PCDH11Y: variants seen among roughly 807,000 people sequenced by gnomAD.
PCDH11Y encodes the protein protocadherin-11 Y-linked.
For missense variants in PCDH11Y, 12 were observed against 224.8 expected (o/e 0.05, Z 6.05); for synonymous variants, 9 against 83.6 (o/e 0.11, Z 4.87).
intron 2 of PCDH11Y, among the ~76,000 whole-genome samples, chrY:5,287,370 C>T (rs1356517436): frequency 3.0e-5 from 1 of 33,070 alleles, no homozygotes; most frequent in African/African-American, 1.2e-4. Flanking sequence ...GGCAATTCCT[C>T]AAGGATCTAG....
intron 2 of PCDH11Y, among the ~76,000 whole-genome samples, chrY:5,168,746 A>C: frequency 4.1e-5 from 1 of 24,500 alleles, no homozygotes; most frequent in Non-Finnish European, 9.5e-5. Flanking sequence ...ATATAAAATG[A>C]CTAATTTTAT....
At chrY:5,209,377 T>A in intron 2 of PCDH11Y, among the ~76,000 whole-genome samples, 10 of 33,277 alleles carry the variant, frequency 3.0e-4, no homozygotes, top group Admixed American at 2.8e-3. Flanking sequence ...TGGCATTTTT[T>A]AAAATCCAAC....
At chrY:5,627,275 G>A (rs2053508003) in intron 4 of PCDH11Y, among the ~76,000 whole-genome samples, 2 of 32,692 alleles carry the variant, frequency 6.1e-5, no homozygotes, top group South Asian at 6.9e-4. Flanking sequence ...GATTACAGGC[G>A]TGAGCCACCG....
intron 2 of PCDH11Y, among the ~76,000 whole-genome samples, chrY:5,449,878 TAC>T (rs2053291610): frequency 3.0e-5 from 1 of 33,774 alleles, no homozygotes; most frequent in Non-Finnish European, 7.4e-5. Flanking sequence ...AAGACTATAC[TAC>T]AATGAGGTCA....
chrY:5,372,708 C>T (rs2053188747), intron 2 of PCDH11Y, among the ~76,000 whole-genome samples: 1 of 29,465 alleles, frequency 3.4e-5, no homozygotes, highest in African/African-American at 1.3e-4. Context: ...TCTTTTCTTC[C>T]TTCCTTCCTT....
At chrY:5,589,904 A>G in intron 4 of PCDH11Y, among the ~76,000 whole-genome samples, 1 of 34,773 alleles carries the variant, frequency 2.9e-5, no homozygotes, top group Non-Finnish European at 7.4e-5. Context: ...GATCTAAAAT[A>G]TATCTGTATT....
At chrY:5,064,977 G>A (rs2124629602) in intron 1 of PCDH11Y, among the ~76,000 whole-genome samples, 2 of 32,503 alleles carry the variant, frequency 6.2e-5, no homozygotes, top group Admixed American at 2.9e-4. Context: ...TCAGCCTCCC[G>A]AAATGTCATG....
intron 1 of PCDH11Y, among the ~76,000 whole-genome samples, chrY:5,014,904 T>C (rs1602836755): frequency 6.0e-5 from 2 of 33,517 alleles, no homozygotes; most frequent in African/African-American, 2.3e-4. Flanking sequence ...GAGCTCATAC[T>C]TTGTTTTCCA....
chrY:5,480,017 C>T (rs2053323919), intron 2 of PCDH11Y, among the ~76,000 whole-genome samples: 1 of 32,613 alleles, frequency 3.1e-5, no homozygotes, highest in Non-Finnish European at 7.5e-5. Flanking sequence ...ACCTACCTTC[C>T]GAAACCTACT....
chrY:5,266,087 G>A (rs1602896378), intron 2 of PCDH11Y, among the ~76,000 whole-genome samples: 2 of 32,148 alleles, frequency 6.2e-5, no homozygotes, highest in Middle Eastern at 0.015. Flanking sequence ...CATTAAAAAC[G>A]TCAATGTAAG....
At chrY:5,180,172 T>G in intron 2 of PCDH11Y, among the ~76,000 whole-genome samples, 3 of 31,828 alleles carry the variant, frequency 9.4e-5, no homozygotes, top group Non-Finnish European at 2.3e-4. Context: ...ACTTCTTGAT[T>G]TCTACCTTAA....
At chrY:5,639,474 A>G in intron 4 of PCDH11Y, among the ~76,000 whole-genome samples, 1 of 31,128 alleles carries the variant, frequency 3.2e-5, no homozygotes, top group Non-Finnish European at 7.7e-5. Flanking sequence ...ACATTAAGCT[A>G]TAGTCTATTA....
At chrY:5,075,746 A>G in intron 1 of PCDH11Y, among the ~76,000 whole-genome samples, 1 of 33,786 alleles carries the variant, frequency 3.0e-5, no homozygotes, top group Non-Finnish European at 7.4e-5. Flanking sequence ...ACAGGATCTC[A>G]TTCTCTTTTC....
At chrY:5,067,898 G>A (rs2052690379) in intron 1 of PCDH11Y, among the ~76,000 whole-genome samples, 24 of 28,379 alleles carry the variant, frequency 8.5e-4, no homozygotes, top group Non-Finnish European at 1.2e-3. Flanking sequence ...CTGTAGTCCC[G>A]GCTACTCCGG....
chrY:5,186,407 T>C, intron 2 of PCDH11Y, among the ~76,000 whole-genome samples: 1 of 27,409 alleles, frequency 3.6e-5, no homozygotes, highest in Admixed American at 3.4e-4. Context: ...TACCTGAGAT[T>C]AGGTAATTTA....
At chrY:5,178,583 C>T (rs34815265) in intron 2 of PCDH11Y, among the ~76,000 whole-genome samples, 1 of 32,610 alleles carries the variant, frequency 3.1e-5, no homozygotes, top group Non-Finnish European at 7.5e-5. Context: ...GACCGTATTA[C>T]GAACATTAGT....
At chrY:5,097,438 A>C in intron 1 of PCDH11Y, among the ~76,000 whole-genome samples, 1 of 33,468 alleles carries the variant, frequency 3.0e-5, no homozygotes, top group African/African-American at 1.2e-4. Flanking sequence ...ATTTTAATTC[A>C]TTTGGAATAA....
intron 3 of PCDH11Y, among the ~76,000 whole-genome samples, chrY:5,577,442 T>A: frequency 1.5e-4 from 5 of 32,962 alleles, no homozygotes. Context: ...ATGTAGAAAA[T>A]GGTAATTGCA....
intron 2 of PCDH11Y, among the ~76,000 whole-genome samples, chrY:5,345,211 C>T: frequency 3.0e-5 from 1 of 33,408 alleles, no homozygotes; most frequent in Non-Finnish European, 7.4e-5. Context: ...TGTCTTGGTG[C>T]GGAAAACAGC....
Sources: allele counts gnomAD v4.1 joint callset (sites outside exome capture counted in the v4.1 genomes callset), GRCh38; gene constraint gnomAD v4.1.1; transcripts MANE v1.5; gene names NCBI Gene and HGNC (gene_info 2026-07-23, HGNC 2026-07-21).